Variants in PSMA1 observed in about 807,000 individuals in gnomAD.
PSMA1 encodes proteasome 20S subunit alpha 1.
Under a neutral mutation model 38.4 loss-of-function variants are expected in PSMA1, and 3 were observed. The ratio of observed to expected loss-of-function variants is 0.08; its 90% CI spans 0.04 to 0.20. PSMA1 has a LOEUF of 0.20. Ranked by LOEUF, PSMA1 falls within the 10% of genes least tolerant of loss-of-function variation. PSMA1 has a pLI of 1.00. For missense variants in PSMA1, 227 were observed against 325.3 expected, an observed-to-expected ratio of 0.70 and a Z score of 2.32; for synonymous variants, 101 against 107.1, an observed-to-expected ratio of 0.94 and a Z score of 0.35.
chr11:14,549,216 A>G (rs990099356), intron 2 of PSMA1, among the ~76,000 whole-genome samples: 2 of 152,198 alleles, frequency 1.3e-5, no homozygotes, highest in African/African-American at 4.8e-5. Flanking sequence ...TGTTTAACTT[A>G]ATAAAATCTT....
intron 1 of PSMA1, among the ~76,000 whole-genome samples, chr11:14,632,241 G>A (rs1274525281): frequency 2.0e-5 from 3 of 149,200 alleles, no homozygotes; most frequent in Non-Finnish European, 4.4e-5. Flanking sequence ...CTCGTTAGTT[G>A]ATGCAGTTTC....
intron 1 of PSMA1, among the ~76,000 whole-genome samples, chr11:14,615,214 T>C (rs1049742855): frequency 3.3e-5 from 5 of 152,236 alleles, no homozygotes; most frequent in African/African-American, 1.2e-4. Context: ...TATAACCTCC[T>C]TTAAAAGGTC....
intron 2 of PSMA1, among the ~76,000 whole-genome samples, chr11:14,586,960 C>T (rs1486342144): frequency 6.6e-6 from 1 of 152,148 alleles, no homozygotes; most frequent in South Asian, 2.1e-4. Context: ...CAGGGTTCCA[C>T]TATGTTGGCC....
intron 2 of PSMA1, among the ~76,000 whole-genome samples, chr11:14,578,334 T>C (rs1852244468): frequency 1.3e-5 from 2 of 152,172 alleles, no homozygotes; most frequent in African/African-American, 4.8e-5. Context: ...AGGGCTGGGC[T>C]TGAGAGTGTC....
At chr11:14,579,611 A>C (rs775256912) in intron 2 of PSMA1, among the ~76,000 whole-genome samples, 30 of 151,814 alleles carry the variant, frequency 2.0e-4, no homozygotes, top group Non-Finnish European at 4.3e-4. Flanking sequence ...TTATAATATA[A>C]ATGCAGATTT....
intron 1 of PSMA1, among the ~76,000 whole-genome samples, chr11:14,633,249 T>C (rs1172351092): frequency 6.6e-6 from 1 of 152,094 alleles, no homozygotes; most frequent in Middle Eastern, 3.2e-3. Flanking sequence ...TGTTCTGTTT[T>C]TTCCCCATCT....
intron 2 of PSMA1, among the ~76,000 whole-genome samples, chr11:14,542,423 A>G (rs1851783094): frequency 6.6e-6 from 1 of 152,198 alleles, no homozygotes; most frequent in Non-Finnish European, 1.5e-5. Context: ...AAAAAACCCA[A>G]CAACTTTCCA....
intron 2 of PSMA1, among the ~76,000 whole-genome samples, chr11:14,594,190 G>A (rs1852456352): frequency 6.6e-6 from 1 of 152,122 alleles, no homozygotes; most frequent in African/African-American, 2.4e-5. Flanking sequence ...AGTAATAAAT[G>A]TTTCTTATTA....
chr11:14,624,586 T>C (rs922901713), intron 1 of PSMA1, among the ~76,000 whole-genome samples: 6 of 152,112 alleles, frequency 3.9e-5, no homozygotes, highest in African/African-American at 1.2e-4. Flanking sequence ...GAGTGTCTCA[T>C]TGAACTATAT....
intron 2 of PSMA1, among the ~76,000 whole-genome samples, chr11:14,589,272 G>A (rs1852383523): frequency 6.6e-6 from 1 of 151,514 alleles, no homozygotes; most frequent in African/African-American, 2.4e-5. Context: ...GGGATACTAT[G>A]TATTTTCCTT....
chr11:14,570,180 A>T (rs1305633832), intron 2 of PSMA1, among the ~76,000 whole-genome samples: 1 of 152,258 alleles, frequency 6.6e-6, no homozygotes, highest in Non-Finnish European at 1.5e-5. Context: ...ACAAACAGAA[A>T]GGACATCCGT....
intron 2 of PSMA1, among the ~76,000 whole-genome samples, chr11:14,583,925 C>T (rs1350676934): frequency 2.0e-5 from 3 of 152,128 alleles, no homozygotes; most frequent in Non-Finnish European, 4.4e-5. Flanking sequence ...CTCCACATGG[C>T]TTCAGGGCTC....
chr11:14,622,133 G>A (rs532605168), intron 1 of PSMA1, among the ~76,000 whole-genome samples: 1 of 152,316 alleles, frequency 6.6e-6, no homozygotes, highest in African/African-American at 2.4e-5. Context: ...GGAGTTCGGA[G>A]TCAAGCAATT....
At chr11:14,557,307 G>A (rs746816951) in intron 2 of PSMA1, among the ~76,000 whole-genome samples, 6 of 151,038 alleles carry the variant, frequency 4.0e-5, no homozygotes, top group South Asian at 2.1e-4. Flanking sequence ...GTGTGATCTC[G>A]GCTCACTGCA....
At chr11:14,513,724 C>T in intron 6 of PSMA1, 25 bp from the exon 7 acceptor site, 3 of 1,558,074 alleles carry the variant, frequency 1.9e-6, no homozygotes, top group South Asian at 2.5e-5. Flanking sequence ...AAATACACCA[C>T]ATAATTATTT....
intron 1 of PSMA1, among the ~76,000 whole-genome samples, chr11:14,632,141 T>C (rs1410591408): frequency 6.9e-5 from 10 of 144,680 alleles, no homozygotes; most frequent in Non-Finnish European, 1.5e-4. Context: ...CTGTGTCTTT[T>C]AATTGGAGCA....
rs370885703 is a variant in PSMA1 at position 14,509,765 on chromosome 11, A to G, written c.624+1107T>C. Reference sequence around the variant, plus strand: ...AGTCTCGCTCTGTCGCCCAGGCTGGACAGGCTGGAGTGCAGTGGCGCAATC... The same window carrying G: ...AGTCTCGCTCTGTCGCCCAGGCTGGGCAGGCTGGAGTGCAGTGGCGCAATC... On this transcript the variant is annotated intron_variant, in intron 8 of 9. Coordinates refer to ENST00000396394, the MANE Select transcript of PSMA1 (RefSeq NM_002786.4). 1.0e-4 allele frequency among the ~76,000 whole-genome samples: 14 copies of G among 135,122 alleles called. No individual in the cohort carries two copies. The East Asian group carries it at 1.6e-3, about 16-fold the overall frequency. The allele number at this position is 135,122 out of a possible 152,430, so 88.6% of individuals were successfully genotyped here.
intron 2 of PSMA1, among the ~76,000 whole-genome samples, chr11:14,561,294 T>A (rs1250273852): frequency 6.6e-6 from 1 of 152,202 alleles, no homozygotes; most frequent in Non-Finnish European, 1.5e-5. Context: ...TGAACTGAGC[T>A]TTGATCATTG....
chr11:14,643,278 C>G (rs550007999), intron 1 of PSMA1, among the ~76,000 whole-genome samples: 125 of 152,096 alleles, frequency 8.2e-4, no homozygotes, highest in African/African-American at 2.8e-3. Flanking sequence ...TGGCCCTAAA[C>G]TGGTCACAGT....
Sources: allele counts gnomAD v4.1 joint callset (sites outside exome capture counted in the v4.1 genomes callset), GRCh38; gene constraint gnomAD v4.1.1; transcripts MANE v1.5; gene names NCBI Gene and HGNC (gene_info 2026-07-23, HGNC 2026-07-21).